HS3ST5: variants seen among roughly 807,000 people sequenced by gnomAD.
The protein encoded by HS3ST5 is heparan sulfate glucosamine 3-O-sulfotransferase 5.
In HS3ST5, 10 loss-of-function variants were observed where a neutral mutation model predicts 25.4. That is an observed-to-expected ratio of 0.39 (90% confidence interval 0.24 to 0.67). HS3ST5 has a LOEUF of 0.67. HS3ST5 is among the 30% of genes least tolerant of loss of function. HS3ST5 has a pLI of 0.44. For synonymous variants in HS3ST5, 170 were observed against 162.4 expected (o/e 1.05, Z -0.36); for missense variants, 324 against 420.7 (o/e 0.77, Z 2.01).
At chr6:114,106,630 A>G (rs1165898202) in intron 3 of HS3ST5, among the ~76,000 whole-genome samples, 1 of 152,140 alleles carries the variant, frequency 6.6e-6, no homozygotes, top group African/African-American at 2.4e-5. Flanking sequence ...AATATTTAAC[A>G]TGAAGTTAAA....
intron 1 of HS3ST5, among the ~76,000 whole-genome samples, chr6:114,319,953 T>C (rs1014203062): frequency 1.3e-5 from 2 of 152,058 alleles, no homozygotes; most frequent in Non-Finnish European, 2.9e-5. Flanking sequence ...GGACGGCACA[T>C]CAAGTTGTTA....
intron 1 of HS3ST5, among the ~76,000 whole-genome samples, chr6:114,306,278 C>CACATAT (rs762706534): frequency 2.1e-5 from 3 of 141,546 alleles, no homozygotes; most frequent in African/African-American, 7.8e-5. Flanking sequence ...CACACACACA[C>CACATAT]ATATATATAT....
At chr6:114,121,776 A>G (rs1367014525) in intron 3 of HS3ST5, among the ~76,000 whole-genome samples, 1 of 152,196 alleles carries the variant, frequency 6.6e-6, no homozygotes, top group Non-Finnish European at 1.5e-5. Context: ...ATTCCTTAGC[A>G]TATCTGCCAT....
chr6:114,216,883 G>C (rs981588805), intron 2 of HS3ST5, among the ~76,000 whole-genome samples: 15 of 152,270 alleles, frequency 9.9e-5, no homozygotes, highest in Admixed American at 3.9e-4. Flanking sequence ...GCAAGGATGG[G>C]AGGAAAGTTT....
intron 3 of HS3ST5, chr6:114,084,856 G>C: frequency 1.8e-6 from 1 of 563,914 alleles, no homozygotes. Context: ...TTTTTGAGAC[G>C]GAGTCTCCCT....
intron 1 of HS3ST5, among the ~76,000 whole-genome samples, chr6:114,229,684 T>C (rs1407687576): frequency 1.3e-5 from 2 of 152,218 alleles, no homozygotes; most frequent in Non-Finnish European, 2.9e-5. Flanking sequence ...TCATAAGCTA[T>C]AAGAAGTATG....
intron 3 of HS3ST5, among the ~76,000 whole-genome samples, chr6:114,162,927 G>T (rs1047049792): frequency 6.6e-6 from 1 of 152,094 alleles, no homozygotes; most frequent in South Asian, 2.1e-4. Flanking sequence ...TGGTTACCCT[G>T]CCTTTTCTCC....
intron 3 of HS3ST5, among the ~76,000 whole-genome samples, chr6:114,151,040 T>A (rs1468870814): frequency 5.3e-5 from 8 of 152,212 alleles, no homozygotes; most frequent in Admixed American, 4.6e-4. Context: ...CCCCTGTACA[T>A]TTTAAATGAC....
intron 1 of HS3ST5, 119 bp downstream of exon 1, chr6:114,342,076 T>C (rs1776903222): frequency 6.6e-6 from 1 of 152,542 alleles, no homozygotes; most frequent in African/African-American, 2.4e-5. Context: ...CACAAAGTGC[T>C]TTTTTGCTGG....
intron 3 of HS3ST5, among the ~76,000 whole-genome samples, chr6:114,122,942 TTTTGTTTGTTTG>T (rs551616098): frequency 2.6e-5 from 4 of 152,082 alleles, no homozygotes; most frequent in East Asian, 1.9e-4. Context: ...TACAGATAGT[TTTTGTTTGTTTG>T]TTTGTTTGTT....
intron 3 of HS3ST5, among the ~76,000 whole-genome samples, chr6:114,080,554 A>G: frequency 6.6e-6 from 1 of 152,230 alleles, no homozygotes; most frequent in Non-Finnish European, 1.5e-5. Flanking sequence ...TCAGTGGTGG[A>G]CTGGATAAAG....
At chr6:114,253,894 C>T (rs141666508) in intron 1 of HS3ST5, among the ~76,000 whole-genome samples, 32 of 152,184 alleles carry the variant, frequency 2.1e-4, no homozygotes, top group African/African-American at 7.7e-4. Context: ...AGGTGAAAAA[C>T]AGAAATGTTC....
Position 114,057,655 on chromosome 6 carries a change from T to C in HS3ST5, c.643A>G (p.Ile215Val). ...KTYYKFEKLA[I>V]DPNTCEVNTK... The stretch of plus-strand genomic sequence containing the variant: ...TTCACTTCGCATGTATTAGGGTCTA[T>C]GGCCAGCTTCTCAAACTTGTAATAA... The change falls in exon 5 of 5, where the codon ATA (isoleucine) becomes GTA (valine). Residue 215 changes from isoleucine (I) to valine (V), a missense_variant. Coordinates refer to ENST00000312719, the MANE Select transcript of HS3ST5 (RefSeq NM_153612.4). 1 of 1,614,184 alleles carries C rather than the reference T, an allele frequency of 6.2e-7. No homozygotes were observed. Among genetic ancestry groups the C allele is most frequent in the Non-Finnish European group, 8.5e-7 (1 of 1,180,030 alleles).
chr6:114,244,823 A>G (rs752700046), intron 1 of HS3ST5, among the ~76,000 whole-genome samples: 24 of 152,328 alleles, frequency 1.6e-4, no homozygotes, highest in Non-Finnish European at 2.5e-4. Flanking sequence ...AGAAGTGACC[A>G]CTTATGAGGG....
At chr6:114,147,147 C>G (rs1361764312) in intron 3 of HS3ST5, among the ~76,000 whole-genome samples, 1 of 152,182 alleles carries the variant, frequency 6.6e-6, no homozygotes, top group Non-Finnish European at 1.5e-5. Context: ...ATTACCAGCA[C>G]AAAAGAGCTA....
chr6:114,108,462 T>C (rs2114841422), intron 3 of HS3ST5, among the ~76,000 whole-genome samples: 1 of 152,224 alleles, frequency 6.6e-6, no homozygotes, highest in East Asian at 1.9e-4. Flanking sequence ...CGAGGACGTA[T>C]TGCAGGGAGC....
At chr6:114,087,476 T>C (rs1774897418) in intron 3 of HS3ST5, among the ~76,000 whole-genome samples, 1 of 152,154 alleles carries the variant, frequency 6.6e-6, no homozygotes, top group South Asian at 2.1e-4. Context: ...TGACATTAAG[T>C]TACTGACATT....
At chr6:114,100,281 G>A (rs1235107598) in intron 3 of HS3ST5, among the ~76,000 whole-genome samples, 2 of 152,106 alleles carry the variant, frequency 1.3e-5, no homozygotes, top group African/African-American at 2.4e-5. Flanking sequence ...CGTTCTCCAC[G>A]CAGAGATTGC....
chr6:114,122,151 C>T (rs971555604), intron 3 of HS3ST5, among the ~76,000 whole-genome samples: 3 of 152,172 alleles, frequency 2.0e-5, no homozygotes, highest in Admixed American at 6.5e-5. Context: ...GCTTAGCCAG[C>T]CTTGCTAAGC....
Sources: allele counts gnomAD v4.1 joint callset (sites outside exome capture counted in the v4.1 genomes callset), GRCh38; gene constraint gnomAD v4.1.1; transcripts MANE v1.5; gene names NCBI Gene and HGNC (gene_info 2026-07-23, HGNC 2026-07-21).